The following SPECC1L variants were observed in gnomAD, a reference collection of about 807,000 sequenced individuals.
SPECC1L encodes the protein sperm antigen with calponin homology and coiled-coil domains 1 like.
SPECC1L carries 40 observed loss-of-function variants against 116.8 expected under a neutral mutation model. The ratio of observed to expected loss-of-function variants is 0.34; its 90% confidence interval spans 0.27 to 0.45. SPECC1L has a LOEUF of 0.45. Among genes scored for constraint, SPECC1L ranks in the 20% least tolerant of loss-of-function variants. The pLI, the probability that SPECC1L is intolerant of heterozygous loss-of-function variation, is 1.00. For missense variants in SPECC1L, 1,110 were observed against 1,373.6 expected (o/e 0.81, Z 3.03); for synonymous variants, 504 against 500.6 (o/e 1.01, Z -0.09).
In SPECC1L at chr22:24,313,805, C is replaced by G. The variant is rs150904819; in HGVS notation, c.307+339C>G. On this transcript the variant is annotated intron_variant, in intron 4 of 16. Coordinates refer to ENST00000314328, the MANE Select transcript of SPECC1L (RefSeq NM_015330.6). ...GCAGGCTGAAGTGCAATGGTGCCATCTTGGCTCACCACAACCTTCGCCTCC... is the reference window on the plus strand; with the variant it reads ...GCAGGCTGAAGTGCAATGGTGCCATGTTGGCTCACCACAACCTTCGCCTCC... Among the ~76,000 whole-genome samples the G allele has an allele frequency of 3.8e-4, 56 of 146,998 alleles. No homozygotes were observed. The East Asian group carries it at 0.011, about 30-fold the overall frequency.
chr22:24,330,463 G>A, intron 8 of SPECC1L, 32 bp downstream of exon 8: 2 of 1,610,580 alleles, frequency 1.2e-6, no homozygotes, highest in Non-Finnish European at 1.7e-6. Context: ...GTGTACTTAT[G>A]TTTCAGTAGA....
intron 14 of SPECC1L, among the ~76,000 whole-genome samples, chr22:24,389,764 G>C (rs1055073): frequency 0.02 from 2,969 of 152,174 alleles, 52 homozygotes; most frequent in African/African-American, 0.042. Context: ...TGTAATAATA[G>C]AAATAGGAGA....
At chr22:24,387,450 G>A (rs1569444621) in intron 14 of SPECC1L, among the ~76,000 whole-genome samples, 3 of 152,128 alleles carry the variant, frequency 2.0e-5, no homozygotes, top group Admixed American at 1.3e-4. Flanking sequence ...TGGGGGAGGC[G>A]ACTACATGGT....
At chr22:24,358,225 C>T (rs1004709908) in intron 11 of SPECC1L, among the ~76,000 whole-genome samples, 3 of 151,526 alleles carry the variant, frequency 2.0e-5, no homozygotes, top group Non-Finnish European at 4.4e-5. Flanking sequence ...AGCTGTCCTC[C>T]CACGTCAGTC....
rs368176425 is a variant in SPECC1L, at chr22:24,388,660, A to C, written c.3087+19340A>C. ...GTTCTAGATCCCTGAGGAATCGCCA[A>C]ACTGACTTCCACAATGGTTGAACTA... On this transcript the variant is annotated intron_variant, in intron 14 of 16. Coordinates refer to ENST00000314328, the MANE Select transcript of SPECC1L (RefSeq NM_015330.6). Among the ~76,000 whole-genome samples, 479 of 152,216 alleles carry C rather than the reference A, an allele frequency of 3.1e-3. 16 individuals carry two copies. In the South Asian group the frequency reaches 0.091, roughly 29 times the overall value.
intron 14 of SPECC1L, among the ~76,000 whole-genome samples, chr22:24,383,810 T>A (rs1178613914): frequency 1.9e-4 from 8 of 41,604 alleles, no homozygotes; most frequent in African/African-American, 4.6e-4. Flanking sequence ...TTTTTTTTTT[T>A]TTTTTTTTTT....
At chr22:24,353,395 T>G (rs2041464381) in intron 11 of SPECC1L, among the ~76,000 whole-genome samples, 1 of 152,190 alleles carries the variant, frequency 6.6e-6, no homozygotes, top group Non-Finnish European at 1.5e-5. Context: ...GTCTGATATT[T>G]TCTTCTGATT....
intron 2 of SPECC1L, among the ~76,000 whole-genome samples, chr22:24,298,368 A>G (rs1308558322): frequency 2.6e-5 from 4 of 152,258 alleles, no homozygotes; most frequent in Non-Finnish European, 5.9e-5. Context: ...CATAGTATAT[A>G]TGGAGTTGGG....
chr22:24,350,626 A>G (rs1032994495), intron 11 of SPECC1L, among the ~76,000 whole-genome samples: 2 of 152,196 alleles, frequency 1.3e-5, no homozygotes, highest in African/African-American at 4.8e-5. Context: ...GCAAATAACT[A>G]AAGCACCTAC....
intron 14 of SPECC1L, among the ~76,000 whole-genome samples, chr22:24,402,835 C>T (rs1419142113): frequency 6.6e-6 from 1 of 152,186 alleles, no homozygotes; most frequent in Non-Finnish European, 1.5e-5. Context: ...TATTTTATGG[C>T]CCTTAATTAA....
intron 14 of SPECC1L, among the ~76,000 whole-genome samples, chr22:24,402,190 A>T (rs572500458): frequency 4.7e-5 from 6 of 127,900 alleles, no homozygotes; most frequent in Admixed American, 9.6e-5. Flanking sequence ...TGGAGCAGAG[A>T]TTGGCCCTGC....
At chr22:24,299,174 T>C (rs997087181) in intron 2 of SPECC1L, among the ~76,000 whole-genome samples, 5 of 152,216 alleles carry the variant, frequency 3.3e-5, no homozygotes, top group African/African-American at 1.2e-4. Context: ...AAAATTGTTT[T>C]TATATTATAG....
At chr22:24,311,804 CAAAAAAAAA>C (rs915422222) in intron 3 of SPECC1L, among the ~76,000 whole-genome samples, 1 of 46,568 alleles carries the variant, frequency 2.1e-5, no homozygotes, top group African/African-American at 6.1e-5. Flanking sequence ...GACTTTGTCT[CAAAAAAAAA>C]AAAAAAAAAA....
At chr22:24,343,303 A>G in intron 10 of SPECC1L, among the ~76,000 whole-genome samples, 1 of 152,234 alleles carries the variant, frequency 6.6e-6, no homozygotes, top group East Asian at 1.9e-4. Context: ...AGACAAGCGT[A>G]TATAAACATA....
chr22:24,273,494 A>G (rs1302467755), intron 1 of SPECC1L, among the ~76,000 whole-genome samples: 1 of 152,218 alleles, frequency 6.6e-6, no homozygotes, highest in African/African-American at 2.4e-5. Flanking sequence ...GTAAATAGTA[A>G]ATGCAAGGGT....
chr22:24,384,197 A>C (rs1364612093), intron 14 of SPECC1L, among the ~76,000 whole-genome samples: 1 of 152,178 alleles, frequency 6.6e-6, no homozygotes, highest in African/African-American at 2.4e-5. Flanking sequence ...TAGGAGTGTC[A>C]TAAGTGCTAA....
chr22:24,402,010 G>A (rs1382046626), intron 14 of SPECC1L, among the ~76,000 whole-genome samples: 1 of 152,000 alleles, frequency 6.6e-6, no homozygotes, highest in Non-Finnish European at 1.5e-5. Flanking sequence ...CGCCTGCCCT[G>A]CCTCCTTCTT....
intron 2 of SPECC1L, among the ~76,000 whole-genome samples, chr22:24,295,902 C>T (rs570416839): frequency 7.9e-5 from 12 of 152,090 alleles, no homozygotes; most frequent in Admixed American, 6.5e-5. Flanking sequence ...GAGCCAAGGT[C>T]GTGCCGTCGC....
chr22:24,306,001 G>A (rs2049487806), intron 3 of SPECC1L, among the ~76,000 whole-genome samples: 1 of 151,864 alleles, frequency 6.6e-6, no homozygotes, highest in Non-Finnish European at 1.5e-5. Flanking sequence ...CGCCTCCCGG[G>A]TTCAAGCGAT....
Sources: allele counts gnomAD v4.1 joint callset (sites outside exome capture counted in the v4.1 genomes callset), GRCh38; gene constraint gnomAD v4.1.1; transcripts MANE v1.5; gene names NCBI Gene and HGNC (gene_info 2026-07-23, HGNC 2026-07-21).